Variants in PGR observed in about 807,000 individuals in gnomAD.
The protein encoded by PGR is nuclear receptor subfamily 3 group C member 3.
In PGR, 25 loss-of-function variants were observed where a neutral mutation model predicts 76.1. The ratio of observed to expected loss-of-function variants is 0.33; its 90% CI spans 0.24 to 0.46. PGR has a LOEUF of 0.46. Ranked by LOEUF, PGR falls within the 20% of genes least tolerant of loss-of-function variation. The pLI is 1.00. For missense variants in PGR, 1,172 were observed against 1,225.3 expected, an observed-to-expected ratio of 0.96 and a Z score of 0.65; for synonymous variants, 579 against 535.0, an observed-to-expected ratio of 1.08 and a Z score of -1.14.
chr11:101,111,338 G>T (rs1862335574), intron 2 of PGR, among the ~76,000 whole-genome samples: 1 of 152,110 alleles, frequency 6.6e-6, no homozygotes, highest in Non-Finnish European at 1.5e-5. Context: ...TTTAGGGAAT[G>T]AAAAGTAGTG....
intron 2 of PGR, among the ~76,000 whole-genome samples, chr11:101,106,357 G>A (rs1315139306): frequency 1.3e-5 from 2 of 152,078 alleles, no homozygotes; most frequent in African/African-American, 2.4e-5. Context: ...CCAGAATCTA[G>A]AAGGAACTTA....
intron 2 of PGR, among the ~76,000 whole-genome samples, chr11:101,098,089 T>C (rs572385064): frequency 3.7e-4 from 56 of 152,250 alleles, no homozygotes; most frequent in South Asian, 8.3e-4. Flanking sequence ...AGTGTTACTC[T>C]TAATAAAAAA....
At chr11:101,049,845 T>G in intron 6 of PGR, 84 bp downstream of exon 6, 1 of 1,097,474 alleles carries the variant, frequency 9.1e-7, no homozygotes, top group Non-Finnish European at 1.4e-6. Flanking sequence ...ACCTCATACA[T>G]AACTATATAA....
At chr11:101,127,396 C>T (rs779182390) in intron 1 of PGR, 38 bp downstream of exon 1, 11 of 1,473,452 alleles carry the variant, frequency 7.5e-6, no homozygotes, top group Admixed American at 4.4e-5. Flanking sequence ...AACCGCTACT[C>T]CCGGACGCGC....
In PGR at chr11:101,037,284, T is replaced by G. The variant is rs1490582120; in HGVS notation, c.*1832A>C. On this transcript the variant is annotated 3_prime_UTR_variant, in exon 8 of 8. Transcript: ENST00000325455. ...CTAGTATACGTTGAGTGTACAAATA[T>G]TAAAATGCCTATTTATCAGGCACTG... 8 of 213,154 alleles carry G rather than the reference T, an allele frequency of 3.8e-5. No individual in the cohort carries two copies. Among genetic ancestry groups the G allele is most frequent in the Non-Finnish European group, 7.6e-5 (8 of 105,448 alleles). 13.2% of individuals were successfully genotyped at this position (213,154 alleles called of 1,614,324 possible). A position where few individuals can be genotyped will look rare whatever the true frequency, so the allele number is the denominator to read the frequency against.
chr11:101,060,553 A>G (rs941308147), intron 4 of PGR, among the ~76,000 whole-genome samples: 1 of 152,230 alleles, frequency 6.6e-6, no homozygotes, highest in African/African-American at 2.4e-5. Flanking sequence ...TAATAATACT[A>G]AAGTACTTTC....
chr11:101,106,844 A>G (rs1010596361), intron 2 of PGR, among the ~76,000 whole-genome samples: 3 of 152,268 alleles, frequency 2.0e-5, no homozygotes, highest in East Asian at 1.9e-4. Context: ...GACTGGATTA[A>G]GCAAATGTGG....
At chr11:101,096,540 G>A (rs1451431309) in intron 2 of PGR, among the ~76,000 whole-genome samples, 1 of 152,182 alleles carries the variant, frequency 6.6e-6, no homozygotes, top group African/African-American at 2.4e-5. Context: ...GAGCCACCAA[G>A]AATGCAATGA....
intron 6 of PGR, among the ~76,000 whole-genome samples, chr11:101,047,633 C>T (rs1381191329): frequency 6.6e-6 from 1 of 152,112 alleles, no homozygotes; most frequent in African/African-American, 2.4e-5. Flanking sequence ...AGAAAGAAGT[C>T]CCTGTAAAGA....
rs2135371321 is a variant in PGR, at chr11:101,035,950, A to T, written c.*3166T>A. On this transcript the variant is annotated 3_prime_UTR_variant, in exon 8 of 8. Coordinates refer to ENST00000325455, the MANE Select transcript of PGR (RefSeq NM_000926.4). Reference sequence around the variant, plus strand: ...AAAATAGTAGCAATTACTATTTCTGAAGGCCTGTATACGTTTTTTTTGGTT... The same window carrying T: ...AAAATAGTAGCAATTACTATTTCTGTAGGCCTGTATACGTTTTTTTTGGTT... 4.4e-6 allele frequency: 1 copy of T among 229,070 alleles called. No individual in the cohort carries two copies. Among genetic ancestry groups the T allele is most frequent in the South Asian group, 1.8e-4 (1 of 5,498 alleles). 14.2% of individuals were successfully genotyped at this position (229,070 alleles called of 1,614,324 possible).
chr11:101,122,769 G>A (rs1321673734), intron 2 of PGR, among the ~76,000 whole-genome samples: 1 of 152,128 alleles, frequency 6.6e-6, no homozygotes, highest in Non-Finnish European at 1.5e-5. Flanking sequence ...CATCCAGAAT[G>A]ACTTTATAGG....
chr11:101,059,200 C>A (rs1344509759), intron 4 of PGR, among the ~76,000 whole-genome samples: 1 of 151,916 alleles, frequency 6.6e-6, no homozygotes, highest in Non-Finnish European at 1.5e-5. Flanking sequence ...TGCAGTTTAA[C>A]TGACATTTTT....
chr11:101,043,733 T>C (rs1451423771), intron 6 of PGR, among the ~76,000 whole-genome samples: 1 of 152,196 alleles, frequency 6.6e-6, no homozygotes, highest in Non-Finnish European at 1.5e-5. Flanking sequence ...TTAATCTCCT[T>C]GTATATATCC....
intron 4 of PGR, among the ~76,000 whole-genome samples, chr11:101,052,762 A>C (rs943325328): frequency 2.6e-5 from 4 of 152,202 alleles, no homozygotes; most frequent in Admixed American, 6.6e-5. Flanking sequence ...AGAGTGCATC[A>C]GAAAAATATT....
chr11:101,036,859 T>C lies in PGR; in HGVS notation c.*2257A>G. 1 of 192,802 alleles carries C rather than the reference T, an allele frequency of 5.2e-6. No homozygotes were observed. The highest frequency in any genetic ancestry group is 1.1e-5 in the Non-Finnish European group (1 of 92,178). The allele number at this position is 192,802 out of a possible 1,614,324, so 11.9% of individuals were successfully genotyped here. ...GTGGAAATGATTTATATCATCAAAA[T>C]ATTGGTTTAATTCAAAGTAACAAGA... is the stretch of plus-strand genomic sequence containing the variant. On this transcript the variant is annotated 3_prime_UTR_variant, in exon 8 of 8. Coordinates refer to ENST00000325455, the MANE Select transcript of PGR (RefSeq NM_000926.4).
At chr11:101,079,200 T>C (rs966516723) in intron 3 of PGR, among the ~76,000 whole-genome samples, 3 of 152,174 alleles carry the variant, frequency 2.0e-5, no homozygotes, top group Non-Finnish European at 4.4e-5. Flanking sequence ...TTTGGGGAAC[T>C]GCTTTAAGAC....
At position 101,051,543 on chromosome 11, in the gene PGR, G is replaced by A; in HGVS notation, c.2238C>T (p.Asp746=). 6.2e-7 allele frequency: 1 copy of A among 1,609,110 alleles called. No homozygotes were observed. Among genetic ancestry groups the A allele is most frequent in the Non-Finnish European group, 8.5e-7 (1 of 1,175,942 alleles). Reference sequence around the variant, plus strand: ...AAGAATACTGAATGAGAGTTATCTGGTCATCAATATGTAAGTTTCGAAAAC... The same window carrying A: ...AAGAATACTGAATGAGAGTTATCTGATCATCAATATGTAAGTTTCGAAAAC... ...LPGFRNLHID[D]QITLIQYSWM... Residue 746 remains aspartate (D), a synonymous_variant, in exon 5 of 8, where the codon GAC becomes GAT. Transcript: ENST00000325455.
rs1859467706 is a variant in PGR at position 101,035,204 on chromosome 11, T to C, written c.*3912A>G. 4.6e-6 allele frequency: 1 copy of C among 218,702 alleles called. No individual in the cohort carries two copies. Among genetic ancestry groups the C allele is most frequent in the African/African-American group, 2.2e-5 (1 of 44,536 alleles). The allele number at this position is 218,702 out of a possible 1,614,324, so 13.5% of individuals were successfully genotyped here. On this transcript the variant is annotated 3_prime_UTR_variant, in exon 8 of 8. Transcript: ENST00000325455. Reference sequence around the variant, plus strand: ...AGTGGGGACCACAGTTGTTGAGCTATTGAATACAAAAATAGAGTATCTTTA... The same window carrying C: ...AGTGGGGACCACAGTTGTTGAGCTACTGAATACAAAAATAGAGTATCTTTA...
chr11:101,087,869 C>T (rs142274246), intron 3 of PGR, among the ~76,000 whole-genome samples: 159 of 152,050 alleles, frequency 1.0e-3, no homozygotes, highest in East Asian at 2.3e-3. Flanking sequence ...CAAATCAAAG[C>T]GACAATGACA....
Sources: allele counts gnomAD v4.1 joint callset (sites outside exome capture counted in the v4.1 genomes callset), GRCh38; gene constraint gnomAD v4.1.1; transcripts MANE v1.5; gene names NCBI Gene and HGNC (gene_info 2026-07-23, HGNC 2026-07-21).